ZFYVE28: variants seen among roughly 807,000 people sequenced by gnomAD.
ZFYVE28 encodes the protein lateral signaling target protein 2 homolog.
Under a neutral mutation model 82.1 loss-of-function variants are expected in ZFYVE28, and 40 were observed. The observed-to-expected ratio is 0.49, with a 90% CI of 0.38 to 0.63. ZFYVE28 has a LOEUF of 0.63. Among genes scored for constraint, ZFYVE28 ranks in the 30% least tolerant of loss-of-function variants. The probability of loss-of-function intolerance (pLI) is 0.00; values close to 1 mark genes in which losing one functional copy is unlikely to be tolerated. For missense variants in ZFYVE28, 1,321 were observed against 1,242.1 expected (o/e 1.06, Z -0.96); for synonymous variants, 612 against 546.1 (o/e 1.12, Z -1.68).
At position 2,341,426 on chromosome 4, in the gene ZFYVE28, G is replaced by A. The variant is rs375404242; in HGVS notation, c.318+52C>T. On this transcript the variant is annotated intron_variant, in intron 3 of 12. Coordinates refer to ENST00000290974, the MANE Select transcript of ZFYVE28 (RefSeq NM_020972.3). The surrounding 1 kb of genome is among the most constrained non-coding windows in gnomAD (Gnocchi z 4.5). ...CATGCACAAGGTTCGCAGGGACTTG[G>A]CTAGACGCCACCCCACATCAGGACC... 3.7e-6 allele frequency: 6 copies of A among 1,604,560 alleles called. No homozygotes were observed. Among genetic ancestry groups the A allele is most frequent in the Non-Finnish European group, 5.1e-6 (6 of 1,176,818 alleles).
chr4:2,304,658 A>G lies in ZFYVE28; in HGVS notation c.1682T>C (p.Leu561Pro). 4 of 1,612,636 alleles carry G rather than the reference A, an allele frequency of 2.5e-6. No individual in the cohort carries two copies. The highest frequency in any genetic ancestry group is 3.4e-6 in the Non-Finnish European group (4 of 1,179,884). ...KLSTGATNCL[L>P]HSCVCCGSCG... is the part of the protein sequence containing the mutation. ...GCTCCCACAGCACACGCAGGAATGCAGAAGGCAGTTGGTGGCCCCAGTGCT... is the reference window on the plus strand; with the variant it reads ...GCTCCCACAGCACACGCAGGAATGCGGAAGGCAGTTGGTGGCCCCAGTGCT... The change falls in exon 8 of 13, where the codon CTG (leucine) becomes CCG (proline). Residue 561 changes from leucine (L) to proline (P), a missense_variant. Physicochemically the swap from Leu to Pro is moderately conservative, Grantham distance 98. Coordinates refer to ENST00000290974, the MANE Select transcript of ZFYVE28 (RefSeq NM_020972.3).
At chr4:2,311,814 T>C (rs1326153327) in intron 7 of ZFYVE28, among the ~76,000 whole-genome samples, 1 of 152,174 alleles carries the variant, frequency 6.6e-6, no homozygotes, top group Admixed American at 6.5e-5. Context: ...TCTTACTCTG[T>C]TGCTCAGACT....
chr4:2,417,724 C>A lies in ZFYVE28; in HGVS notation c.39+561G>T, dbSNP rs561776244. Among the ~76,000 whole-genome samples, 406 of 152,050 alleles carry A rather than the reference C, an allele frequency of 2.7e-3. 4 individuals carry two copies. Among genetic ancestry groups the A allele is most frequent in the African/African-American group, 9.4e-3 (391 of 41,466 alleles). ...AGGATCCTCTCTGGACATGGAAGGACGGGTCTGCCCTGGACCCAGGGATTG... is the reference window on the plus strand; with the variant it reads ...AGGATCCTCTCTGGACATGGAAGGAAGGGTCTGCCCTGGACCCAGGGATTG... On this transcript the variant is annotated intron_variant, in intron 1 of 12. Transcript: ENST00000290974. This position sits in a 1 kb window ranked among gnomAD's most constrained non-coding sequence, Gnocchi z 4.8.
chr4:2,374,759 C>A (rs1727938059), intron 1 of ZFYVE28, among the ~76,000 whole-genome samples: 1 of 152,170 alleles, frequency 6.6e-6, no homozygotes, highest in South Asian at 2.1e-4. Flanking sequence ...CATATAAACC[C>A]CAACATCAGA....
rs1378347757 is a variant in ZFYVE28, at chr4:2,274,116, A to C, written c.2152T>G (p.Ser718Ala). ...APQATREKIR[S>A]RFHGSHDLIH... ...AGGTCGTGGCTGCCGTGGAACCTGG[A>C]CCGGATCTTCTCTCTTGTGGCCTGT... Residue 718 changes from serine (S) to alanine (A), a missense_variant, in exon 9 of 13, where the codon TCC (serine) becomes GCC (alanine). Physicochemically the swap from Ser to Ala is moderately conservative, Grantham distance 99 (BLOSUM62 1). Around this residue, in one of 2 missense-constraint regions of ZFYVE28, gnomAD observed 978 missense variants for 833.7 expected, o/e 1.17. Coordinates refer to ENST00000290974, the MANE Select transcript of ZFYVE28 (RefSeq NM_020972.3). 6.2e-7 allele frequency: 1 copy of C among 1,613,560 alleles called. No homozygotes were observed. The highest frequency in any genetic ancestry group is 1.7e-5 in the Admixed American group (1 of 60,010).
rs146543425 is a variant in ZFYVE28 at position 2,395,427 on chromosome 4, A to G, written c.39+22858T>C. ...CTGCTCCATCCAATTAGGCCCCTTCATAAGCCCCAGGGGGATCCCAACGCT... is the reference window on the plus strand; with the variant it reads ...CTGCTCCATCCAATTAGGCCCCTTCGTAAGCCCCAGGGGGATCCCAACGCT... On this transcript the variant is annotated intron_variant, in intron 1 of 12. Transcript: ENST00000290974. 8.0e-3 allele frequency among the ~76,000 whole-genome samples: 1,218 copies of G among 152,354 alleles called. 14 individuals carry two copies. The highest frequency in any genetic ancestry group is 0.027 in the African/African-American group (1,140 of 41,592).
intron 1 of ZFYVE28, among the ~76,000 whole-genome samples, chr4:2,378,068 G>A (rs533002303): frequency 7.9e-5 from 12 of 152,282 alleles, no homozygotes; most frequent in East Asian, 3.9e-4. Flanking sequence ...GGCTGGGCGC[G>A]GTGGCTCACG....
At chr4:2,356,612 C>T (rs1560273167) in intron 1 of ZFYVE28, among the ~76,000 whole-genome samples, 2 of 152,238 alleles carry the variant, frequency 1.3e-5, no homozygotes, top group Non-Finnish European at 2.9e-5. Flanking sequence ...GCCCAGGCAA[C>T]CCCGGAGAGC....
At chr4:2,314,870 C>T (rs1717981986) in intron 7 of ZFYVE28, among the ~76,000 whole-genome samples, 1 of 152,182 alleles carries the variant, frequency 6.6e-6, no homozygotes, top group African/African-American at 2.4e-5. Context: ...CCTCAAACTC[C>T]TGGGCTCAAA....
chr4:2,356,699 C>T (rs1460592237), intron 1 of ZFYVE28, among the ~76,000 whole-genome samples: 2 of 152,232 alleles, frequency 1.3e-5, no homozygotes, highest in Admixed American at 1.3e-4. Flanking sequence ...AGGAGACACT[C>T]TTAACCTTGT....
intron 2 of ZFYVE28, chr4:2,342,751 G>A (rs536293533): frequency 2.0e-5 from 3 of 152,200 alleles, no homozygotes; most frequent in Non-Finnish European, 4.4e-5. Flanking sequence ...TATTCATTCT[G>A]TAGGTTACAA....
At chr4:2,349,895 G>A (rs528478908) in intron 2 of ZFYVE28, among the ~76,000 whole-genome samples, 2 of 152,248 alleles carry the variant, frequency 1.3e-5, no homozygotes, top group South Asian at 2.1e-4. Flanking sequence ...GGGTAGCTAC[G>A]AAAATCCTAC....
Position 2,372,464 on chromosome 4 carries a change from G to A in ZFYVE28, c.40-18391C>T, listed in dbSNP as rs574715099. ...TGGCCTCAAGGTTCACCCAACACCTGACTCACCCGATTCGGGTCTCTGCCT... is the reference window on the plus strand; with the variant it reads ...TGGCCTCAAGGTTCACCCAACACCTAACTCACCCGATTCGGGTCTCTGCCT... On this transcript the variant is annotated intron_variant, in intron 1 of 12. Transcript: ENST00000290974. The surrounding 1 kb of genome is among the most constrained non-coding windows in gnomAD (Gnocchi z 5.2). Among the ~76,000 whole-genome samples, 2 of 107,888 alleles carry A rather than the reference G, an allele frequency of 1.9e-5. No homozygotes were observed. The highest frequency in any genetic ancestry group is 2.8e-4 in the South Asian group (1 of 3,510). 70.8% of individuals were successfully genotyped at this position (107,888 alleles called of 152,430 possible).
chr4:2,415,593 C>G (rs1175739239), intron 1 of ZFYVE28, among the ~76,000 whole-genome samples: 4 of 152,156 alleles, frequency 2.6e-5, no homozygotes, highest in Non-Finnish European at 5.9e-5. Flanking sequence ...AAAAAAATTC[C>G]TGACTGCAGG....
chr4:2,292,048 C>A (rs1045926614), intron 8 of ZFYVE28, among the ~76,000 whole-genome samples: 4 of 152,208 alleles, frequency 2.6e-5, no homozygotes, highest in African/African-American at 9.7e-5. Context: ...AGAGCCAGCA[C>A]GTCCCCCAAC....
At chr4:2,357,446 C>T (rs1189535433) in intron 1 of ZFYVE28, among the ~76,000 whole-genome samples, 2 of 152,188 alleles carry the variant, frequency 1.3e-5, no homozygotes, top group African/African-American at 2.4e-5. Context: ...GGGCTGAGCT[C>T]GCAGCCTGCC....
chr4:2,342,122 A>T (rs1216156426), intron 2 of ZFYVE28, among the ~76,000 whole-genome samples: 1 of 152,168 alleles, frequency 6.6e-6, no homozygotes, highest in Admixed American at 6.5e-5. Context: ...GACACAGACC[A>T]CGTCTTAGGG....
In ZFYVE28 at chr4:2,335,424, A is replaced by G. The variant is rs775717378; in HGVS notation, c.701+281T>C. Among the ~76,000 whole-genome samples, 1 of 152,054 alleles carries G rather than the reference A, an allele frequency of 6.6e-6. No individual in the cohort carries two copies. The highest frequency in any genetic ancestry group is 1.9e-4 in the East Asian group (1 of 5,178). ...CTGTGACTAATGAGCTCACCTGTGG[A>G]TCTCACCTGTCCAGTGGCAGGTGGC... On this transcript the variant is annotated intron_variant, in intron 6 of 12. Coordinates refer to ENST00000290974, the MANE Select transcript of ZFYVE28 (RefSeq NM_020972.3). The surrounding 1 kb of genome is among the most constrained non-coding windows in gnomAD (Gnocchi z 5.8).
chr4:2,395,216 G>C (rs202030920), intron 1 of ZFYVE28, among the ~76,000 whole-genome samples: 5 of 49,590 alleles, frequency 1.0e-4, no homozygotes, highest in Admixed American at 2.7e-4. Flanking sequence ...AGAGCAGACA[G>C]TGAGGGCACT....
Sources: gnomAD v4.1 joint callset for allele counts (sites outside exome capture counted in the v4.1 genomes callset) on GRCh38, gnomAD v4.1.1 for gene constraint, gnomAD v4.1.1 regional missense constraint, Gnocchi (gnomAD v3.1) non-coding constraint, MANE v1.5 for transcripts, NCBI Gene and HGNC (gene_info 2026-07-23, HGNC 2026-07-21) for gene names.